MICAL3: variants seen among roughly 807,000 people sequenced by gnomAD.
The protein encoded by MICAL3 is microtubule associated monooxygenase, calponin and LIM domain containing 3.
In MICAL3, 62 loss-of-function variants were observed where a neutral mutation model predicts 207.4. That is an observed-to-expected ratio of 0.30 (90% CI 0.24 to 0.37). The LOEUF is 0.37. Ranked by LOEUF, MICAL3 falls within the 10% of genes least tolerant of loss-of-function variation. MICAL3 has a pLI of 1.00. For missense variants in MICAL3, 2,368 were observed against 2,635.6 expected, an observed-to-expected ratio of 0.90 and a Z score of 2.22; for synonymous variants, 1,077 against 1,069.3, an observed-to-expected ratio of 1.01 and a Z score of -0.14.
intron 1 of MICAL3, among the ~76,000 whole-genome samples, chr22:18,020,613 T>TAAAAAAAAAAAAAAAAAAA (rs55654559): frequency 2.5e-5 from 3 of 119,736 alleles, no homozygotes; most frequent in African/African-American, 9.9e-5. Flanking sequence ...CTTTAAAAAG[T>TAAAAAAAAAAAAAAAAAAA]AAAAAAAAAA....
At chr22:17,955,111 T>C (rs1366994340) in intron 1 of MICAL3, among the ~76,000 whole-genome samples, 1 of 152,188 alleles carries the variant, frequency 6.6e-6, no homozygotes, top group African/African-American at 2.4e-5. Flanking sequence ...ATAGCAGGAT[T>C]CTTGTTAAGG....
At chr22:17,896,131 C>T in intron 9 of MICAL3, 115 bp downstream of exon 9, 1 of 596,072 alleles carries the variant, frequency 1.7e-6, no homozygotes, top group South Asian at 2.5e-5. Context: ...ATGAAAACAT[C>T]TTTAATTAAG....
At chr22:17,866,608 C>CAGAATAGAATAGGATAGAAT (rs1327654068) in intron 17 of MICAL3, among the ~76,000 whole-genome samples, 1 of 123,108 alleles carries the variant, frequency 8.1e-6, no homozygotes, top group African/African-American at 3.3e-5. Context: ...CAGCATAGAA[C>CAGAATAGAATAGGATAGAAT]AGAACAGAAT....
intron 10 of MICAL3, 90 bp from the exon 11 acceptor site, chr22:17,893,994 C>A (rs1164866864): frequency 1.1e-6 from 1 of 944,084 alleles, no homozygotes; most frequent in Admixed American, 2.0e-5. Context: ...AAAGGAAAGT[C>A]TGGGATAGAA....
intron 1 of MICAL3, chr22:17,980,794 C>A: frequency 2.1e-6 from 1 of 484,174 alleles, no homozygotes; most frequent in Non-Finnish European, 4.4e-6. Flanking sequence ...AACCAGCTGC[C>A]CGTCTGCTCC....
chr22:18,000,545 A>G (rs1922839199), intron 1 of MICAL3, among the ~76,000 whole-genome samples: 1 of 152,210 alleles, frequency 6.6e-6, no homozygotes, highest in Non-Finnish European at 1.5e-5. Flanking sequence ...CCAGTGCCGC[A>G]TGCCAGGCGG....
chr22:17,880,060 G>A (rs544585845), intron 16 of MICAL3, among the ~76,000 whole-genome samples: 15 of 152,188 alleles, frequency 9.9e-5, no homozygotes, highest in Non-Finnish European at 1.6e-4. Context: ...GCTGGCTAAG[G>A]GTTCACCTTA....
chr22:17,914,051 A>G (rs1932314159), intron 1 of MICAL3, among the ~76,000 whole-genome samples: 1 of 152,238 alleles, frequency 6.6e-6, no homozygotes. Context: ...CCAGGAACAG[A>G]GCAAGGACCA....
intron 19 of MICAL3, among the ~76,000 whole-genome samples, chr22:17,847,899 A>C (rs1197894274): frequency 6.6e-6 from 1 of 152,198 alleles, no homozygotes; most frequent in East Asian, 1.9e-4. Flanking sequence ...TCCTGGGCTC[A>C]AACGATCCTC....
chr22:17,905,979 C>A (rs965457374), intron 2 of MICAL3, among the ~76,000 whole-genome samples: 2 of 152,168 alleles, frequency 1.3e-5, no homozygotes, highest in Admixed American at 1.3e-4. Flanking sequence ...ATGCCAAGTT[C>A]GCAAACAGTA....
At position 17,865,112 on chromosome 22, in the gene MICAL3, T is replaced by TA. The variant is rs1485815795; in HGVS notation, c.2518-127dup. 3 of 726,776 alleles carry TA rather than the reference T, an allele frequency of 4.1e-6. No homozygotes were observed. The African/African-American group carries it at 5.7e-5, about 14-fold the overall frequency. The allele number at this position is 726,776 out of a possible 1,614,324, so 45.0% of individuals were successfully genotyped here. A position where few individuals can be genotyped will look rare whatever the true frequency, so the allele number is the denominator to read the frequency against. On this transcript the variant is annotated intron_variant, in intron 18 of 31. Transcript: ENST00000441493. The stretch of plus-strand genomic sequence containing the variant: ...TTATTTATTTATTTATTTATTTATT[T>TA]ATTTATTTATTTATTTAAGAGACAG...
chr22:17,855,662 T>C (rs866268281), intron 19 of MICAL3, among the ~76,000 whole-genome samples: 24 of 152,182 alleles, frequency 1.6e-4, no homozygotes, highest in African/African-American at 5.8e-4. Context: ...ATTCGGATGG[T>C]TGTCATTCTC....
chr22:17,792,808 G>A (rs1371003314), intron 29 of MICAL3, among the ~76,000 whole-genome samples: 1 of 152,240 alleles, frequency 6.6e-6, no homozygotes, highest in East Asian at 1.9e-4. Flanking sequence ...CTGCAACTGT[G>A]GAGTGTGTGC....
intron 1 of MICAL3, among the ~76,000 whole-genome samples, chr22:17,958,034 A>C (rs1326905028): frequency 6.6e-6 from 1 of 152,238 alleles, no homozygotes; most frequent in Non-Finnish European, 1.5e-5. Context: ...CTGAAATCTT[A>C]GGAAAAACTG....
At chr22:17,869,169 G>A (rs1392328498) in intron 17 of MICAL3, among the ~76,000 whole-genome samples, 2 of 152,180 alleles carry the variant, frequency 1.3e-5, no homozygotes, top group African/African-American at 4.8e-5. Flanking sequence ...GGCAGCTGAC[G>A]GCAGAGGCTG....
intron 1 of MICAL3, among the ~76,000 whole-genome samples, chr22:17,982,288 C>G (rs139278987): frequency 1.9e-4 from 29 of 152,356 alleles, no homozygotes; most frequent in Non-Finnish European, 3.5e-4. Context: ...GGCTTTCCCA[C>G]AGCCGGGCAC....
chr22:17,868,717 GA>G (rs1927401999), intron 17 of MICAL3, among the ~76,000 whole-genome samples: 1 of 152,294 alleles, frequency 6.6e-6, no homozygotes, highest in Admixed American at 6.5e-5. Flanking sequence ...GGGAAATGGA[GA>G]AAACAGGTGG....
At position 17,865,973 on chromosome 22, in the gene MICAL3, G is replaced by C. The variant is rs1194963839; in HGVS notation, c.2468C>G (p.Ser823Cys). 1.2e-6 allele frequency: 2 copies of C among 1,614,006 alleles called. No homozygotes were observed. Among genetic ancestry groups the C allele is most frequent in the South Asian group, 1.1e-5 (1 of 91,082 alleles). Residue 823 changes from serine to cysteine, a missense_variant, in exon 18 of 32, where the codon TCT becomes TGT. Transcript: ENST00000441493. ...YCKPHYCYRLSGYAQRKRPAV... is the reference protein window; with the variant it reads ...YCKPHYCYRLCGYAQRKRPAV... ...CGGTCTCTTCCTTTGTGCGTAGCCA[G>C]AGAGTCGATAGCAGTAGTGTGGCTT...
In MICAL3 at chr22:17,957,726, AAG is replaced by A. The variant is rs1430727465; in HGVS notation, c.-74-50842_-74-50841del. 5.1e-3 allele frequency among the ~76,000 whole-genome samples: 603 copies of A among 118,588 alleles called. 6 individuals are homozygous for A. Among genetic ancestry groups the A allele is most frequent in the African/African-American group, 0.016 (449 of 28,284 alleles). 77.8% of individuals were successfully genotyped at this position (118,588 alleles called of 152,430 possible). A position where few individuals can be genotyped will look rare whatever the true frequency, so the allele number is the denominator to read the frequency against. On this transcript the variant is annotated intron_variant, in intron 1 of 31. Transcript: ENST00000441493. ...ACTATGTCAAAAAAAAAAAAAAAAAAAGAGAGAGAAAGAAAACGAGAGAGAGA... is the reference window on the plus strand; with the variant it reads ...ACTATGTCAAAAAAAAAAAAAAAAAAAGAGAGAAAGAAAACGAGAGAGAGA...
Sources: gnomAD v4.1 joint callset for allele counts (sites outside exome capture counted in the v4.1 genomes callset) on GRCh38, gnomAD v4.1.1 for gene constraint, MANE v1.5 for transcripts, NCBI Gene and HGNC (gene_info 2026-07-23, HGNC 2026-07-21) for gene names.